Variants in BRCC3 observed in about 807,000 individuals in gnomAD.
BRCC3 encodes the protein BRCA1/BRCA2-containing complex subunit 3.
In BRCC3, 15 loss-of-function variants were observed where a neutral mutation model predicts 28.0. The ratio of observed to expected loss-of-function variants is 0.54; its 90% CI spans 0.36 to 0.82. The LOEUF (loss-of-function observed/expected upper bound fraction) is 0.82, where lower values mean the gene tolerates loss of function less well. Among genes scored for constraint, BRCC3 ranks in the 40% least tolerant of loss-of-function variants. The pLI is 0.01. For synonymous variants in BRCC3, 66 were observed against 80.3 expected (o/e 0.82, Z 0.95); for missense variants, 109 against 225.9 (o/e 0.48, Z 3.32).
chrX:155,075,733 C>G (rs1317076450), intron 3 of BRCC3, among the ~76,000 whole-genome samples: 1 of 112,479 alleles, frequency 8.9e-6, no homozygotes, highest in African/African-American at 3.2e-5. Flanking sequence ...ATTGTTACTT[C>G]ATGTACAGTT....
At chrX:155,075,605 C>T (rs1401446797) in intron 3 of BRCC3, among the ~76,000 whole-genome samples, 9 of 111,361 alleles carry the variant, frequency 8.1e-5, no homozygotes, top group Non-Finnish European at 1.5e-4. Flanking sequence ...CCTCTTTGAC[C>T]GTTTCCTGTC....
At chrX:155,083,070 C>T (rs989788681) in intron 5 of BRCC3, among the ~76,000 whole-genome samples, 2 of 112,359 alleles carry the variant, frequency 1.8e-5, no homozygotes, top group African/African-American at 3.2e-5. Flanking sequence ...ATTTCTCTGC[C>T]TCAAACTAAC....
Position 155,111,802 on chromosome X carries a change from C to T in BRCC3, c.549-4255C>T, listed in dbSNP as rs782190586. On this transcript the variant is annotated intron_variant, in intron 7 of 10. Transcript: ENST00000330045. Reference sequence around the variant, plus strand: ...ACTTTTGTGCATCACAGCACATTATCAAGAAGGTGAAAATAACCTACAGAA... The same window carrying T: ...ACTTTTGTGCATCACAGCACATTATTAAGAAGGTGAAAATAACCTACAGAA... Among the ~76,000 whole-genome samples the T allele has an allele frequency of 2.0e-4, 22 of 111,672 alleles. No individual in the cohort carries two copies. In the East Asian group the frequency reaches 3.1e-3, roughly 16 times the overall value.
chrX:155,084,046 A>C (rs782738667), intron 5 of BRCC3, among the ~76,000 whole-genome samples: 2 of 112,295 alleles, frequency 1.8e-5, no homozygotes, highest in Non-Finnish European at 3.8e-5. Flanking sequence ...TCATGGAAGT[A>C]GGAAGTGGAG....
intron 7 of BRCC3, among the ~76,000 whole-genome samples, chrX:155,093,687 TC>T (rs2074189721): frequency 9.3e-6 from 1 of 108,022 alleles, no homozygotes; most frequent in African/African-American, 3.4e-5. Context: ...TCCTTCCTTT[TC>T]CCCCTAAGTT....
rs2074386793 is a variant in BRCC3 at position 155,121,247 on chromosome X, A to C, written c.*43A>C. ...GGAAAGATGAAAATATCCAGTGTAA[A>C]GTTACTTAAGCTAAATCAATTTCAA... On this transcript the variant is annotated 3_prime_UTR_variant, in exon 11 of 11. Transcript: ENST00000330045. The C allele has an allele frequency of 8.9e-6, 1 of 111,919 alleles. No homozygotes were observed. The allele number at this position is 111,919 out of a possible 1,213,427, so 9.2% of individuals were successfully genotyped here.
intron 7 of BRCC3, among the ~76,000 whole-genome samples, chrX:155,105,257 T>C (rs1416988580): frequency 7.2e-5 from 8 of 111,539 alleles, no homozygotes; most frequent in South Asian, 3.8e-4. Flanking sequence ...CCGAGGCGCG[T>C]GGATCACTTG....
intron 5 of BRCC3, among the ~76,000 whole-genome samples, chrX:155,079,636 C>T (rs1301281873): frequency 1.8e-5 from 2 of 111,103 alleles, no homozygotes; most frequent in Non-Finnish European, 3.8e-5. Flanking sequence ...CTAACTCAAA[C>T]CTACTGTAAC....
Position 155,075,325 on chromosome X carries a change from G to T in BRCC3, c.196-1845G>T, listed in dbSNP as rs1557293420. Among the ~76,000 whole-genome samples, 36 of 53,554 alleles carry T rather than the reference G, an allele frequency of 6.7e-4. 1 individual carries two copies. The highest frequency in any genetic ancestry group is 5.2e-3 in the Admixed American group (27 of 5,160). The allele number at this position is 53,554 out of a possible 115,157, so 46.5% of individuals were successfully genotyped here. ...CTTCTTGTTCTTCCCCACACTAAAT[G>T]TGGCCACTCCCCTTGATTCAGGCCA... is the stretch of plus-strand genomic sequence containing the variant. On this transcript the variant is annotated intron_variant, in intron 3 of 10. Coordinates refer to ENST00000330045, the MANE Select transcript of BRCC3 (RefSeq NM_001018055.3).
intron 6 of BRCC3, among the ~76,000 whole-genome samples, chrX:155,090,453 C>T (rs1174001720): frequency 8.9e-6 from 1 of 112,116 alleles, no homozygotes; most frequent in Non-Finnish European, 1.9e-5. Context: ...ATGCTTTCAA[C>T]CTTGTCATCA....
rs1557293396 is a variant in BRCC3 at position 155,075,299 on chromosome X, C to CA, written c.195+1868_195+1869insA. ...TGCTAAGCCCACTCTTTCCCCTGGCCCTTCTTGTTCTTCCCCACACTAAAT... is the reference window on the plus strand; with the variant it reads ...TGCTAAGCCCACTCTTTCCCCTGGCCACTTCTTGTTCTTCCCCACACTAAAT... On this transcript the variant is annotated intron_variant, in intron 3 of 10. Transcript: ENST00000330045. Among the ~76,000 whole-genome samples, 32 of 45,824 alleles carry CA rather than the reference C, an allele frequency of 7.0e-4. 1 individual carries two copies. Among genetic ancestry groups the CA allele is most frequent in the Admixed American group, 5.1e-3 (24 of 4,720 alleles). The allele number at this position is 45,824 out of a possible 115,157, so 39.8% of individuals were successfully genotyped here. A position where few individuals can be genotyped will look rare whatever the true frequency, so the allele number is the denominator to read the frequency against.
At chrX:155,096,740 A>G (rs945579421) in intron 7 of BRCC3, among the ~76,000 whole-genome samples, 46 of 112,514 alleles carry the variant, frequency 4.1e-4, no homozygotes, top group Non-Finnish European at 3.8e-5. Flanking sequence ...GAGAAATCAC[A>G]CTATGTGATT....
At chrX:155,072,664 C>G (rs1557292787) in intron 2 of BRCC3, among the ~76,000 whole-genome samples, 1 of 111,221 alleles carries the variant, frequency 9.0e-6, no homozygotes, top group East Asian at 2.8e-4. Context: ...CAGGTTCAAG[C>G]GATTCTCATA....
chrX:155,113,493 A>C (rs1340162390), intron 7 of BRCC3, among the ~76,000 whole-genome samples: 3 of 111,270 alleles, frequency 2.7e-5, no homozygotes, highest in Non-Finnish European at 5.7e-5. Context: ...CGTATATAAA[A>C]CTTAAATGAA....
intron 7 of BRCC3, among the ~76,000 whole-genome samples, chrX:155,101,126 C>T (rs782439299): frequency 2.7e-5 from 3 of 110,957 alleles, no homozygotes; most frequent in East Asian, 5.6e-4. Flanking sequence ...CTCAAACTCC[C>T]GGGCTCAAGC....
intron 7 of BRCC3, among the ~76,000 whole-genome samples, chrX:155,094,264 C>T (rs2074194752): frequency 9.0e-6 from 1 of 110,947 alleles, no homozygotes; most frequent in Admixed American, 9.6e-5. Flanking sequence ...CAGTCTTAGC[C>T]ATTGCTGTCA....
chrX:155,091,686 T>G (rs2074176399), intron 7 of BRCC3, among the ~76,000 whole-genome samples: 1 of 111,371 alleles, frequency 9.0e-6, no homozygotes, highest in African/African-American at 3.3e-5. Context: ...CAATTTATTA[T>G]TATAGCATTG....
At chrX:155,074,374 C>T (rs1557293073) in intron 3 of BRCC3, among the ~76,000 whole-genome samples, 1 of 112,148 alleles carries the variant, frequency 8.9e-6, no homozygotes, top group African/African-American at 3.2e-5. Flanking sequence ...CAGTCAAACC[C>T]ACTGAGGTCT....
chrX:155,076,168 C>T lies in BRCC3; in HGVS notation c.196-1002C>T, dbSNP rs782322563. On this transcript the variant is annotated intron_variant, in intron 3 of 10. Transcript: ENST00000330045. ...GGTTATGCCTGTAATCCCAGCACTT[C>T]GAGAGGTCGAGGCAGGCCTGAAGTC... 4.5e-5 allele frequency among the ~76,000 whole-genome samples: 5 copies of T among 111,510 alleles called. No individual in the cohort carries two copies. In the South Asian group the frequency reaches 1.1e-3, roughly 25 times the overall value.
Sources: allele counts gnomAD v4.1 joint callset (sites outside exome capture counted in the v4.1 genomes callset), GRCh38; gene constraint gnomAD v4.1.1; transcripts MANE v1.5; gene names NCBI Gene and HGNC (gene_info 2026-07-23, HGNC 2026-07-21).